NRXN3: variants seen among roughly 807,000 people sequenced by gnomAD.
NRXN3 encodes the protein neurexin 3.
Under a neutral mutation model 137.6 loss-of-function variants are expected in NRXN3, and 32 were observed. The observed-to-expected ratio is 0.23, with a 90% confidence interval of 0.18 to 0.31. NRXN3 has a LOEUF of 0.31. Among genes scored for constraint, NRXN3 ranks in the 10% least tolerant of loss-of-function variants. The pLI is 1.00. For synonymous variants in NRXN3, 798 were observed against 784.5 expected, an observed-to-expected ratio of 1.02 and a Z score of -0.29; for missense variants, 1,574 against 2,062.5, an observed-to-expected ratio of 0.76 and a Z score of 4.59.
At chr14:78,441,413 A>C (rs553578984) in intron 4 of NRXN3, among the ~76,000 whole-genome samples, 21 of 152,034 alleles carry the variant, frequency 1.4e-4, no homozygotes, top group Admixed American at 1.2e-3. Context: ...TCACAGCTCA[A>C]TTCAAGCGTC....
rs1567188272 is a variant in NRXN3 at position 78,294,576 on chromosome 14, A to AAAAG, written c.728-3251_728-3248dup. Among the ~76,000 whole-genome samples the AAAAG allele has an allele frequency of 3.3e-4, 49 of 146,324 alleles. 5 individuals are homozygous for AAAAG. The highest frequency in any genetic ancestry group is 3.6e-4 in the Non-Finnish European group (24 of 66,634). ...GTCTCAAAAAAAAAAAAAAAAAAAA[A>AAAAG]AAAGAAAAAGCTCCTATGTGTAGGC... On this transcript the variant is annotated intron_variant, in intron 3 of 20. Transcript: ENST00000335750.
At chr14:79,833,566 A>G (rs4903883) in intron 20 of NRXN3, among the ~76,000 whole-genome samples, 138,106 of 152,074 alleles carry the variant, frequency 0.91, 62,735 homozygotes, top group East Asian at 0.96. Context: ...CATTTTTACT[A>G]GGAAAGAGCA....
intron 8 of NRXN3, among the ~76,000 whole-genome samples, chr14:78,794,292 G>T (rs1382143266): frequency 1.3e-5 from 2 of 152,222 alleles, no homozygotes; most frequent in East Asian, 3.9e-4. Context: ...TGAGGCTCAA[G>T]AATTGCTTGA....
chr14:79,400,277 A>G (rs941456562), intron 15 of NRXN3, among the ~76,000 whole-genome samples: 2 of 152,188 alleles, frequency 1.3e-5, no homozygotes, highest in Non-Finnish European at 1.5e-5. Flanking sequence ...CTCAGTGTCC[A>G]CTGATAGTCT....
At chr14:79,501,942 C>G (rs1019081317) in intron 16 of NRXN3, among the ~76,000 whole-genome samples, 1 of 152,086 alleles carries the variant, frequency 6.6e-6, no homozygotes, top group Middle Eastern at 3.2e-3. Context: ...AAAGCCACTT[C>G]TGTTACTTTT....
chr14:78,617,178 A>C (rs1390964942), intron 4 of NRXN3, among the ~76,000 whole-genome samples: 6 of 152,194 alleles, frequency 3.9e-5, no homozygotes, highest in Non-Finnish European at 8.8e-5. Flanking sequence ...TGATTAATAC[A>C]CATAATTGCT....
At chr14:79,279,471 T>G (rs1471450865) in intron 15 of NRXN3, 1 of 986,094 alleles carries the variant, frequency 1.0e-6, no homozygotes, top group African/African-American at 1.7e-5. Context: ...GCACCTCCTC[T>G]TGCGCTCTCG....
At chr14:79,566,765 C>T (rs1470418995) in intron 16 of NRXN3, among the ~76,000 whole-genome samples, 1 of 151,992 alleles carries the variant, frequency 6.6e-6, no homozygotes, top group South Asian at 2.1e-4. Flanking sequence ...ATGTAAATAA[C>T]CCTCAATGAT....
chr14:79,122,050 TG>T (rs997254767), intron 15 of NRXN3, among the ~76,000 whole-genome samples: 3 of 152,252 alleles, frequency 2.0e-5, no homozygotes, highest in African/African-American at 7.2e-5. Flanking sequence ...CTTTTACCTT[TG>T]TTTGCCAACT....
rs5809932 is a variant in NRXN3, at chr14:79,261,601, C to CTGTGTGTGTG, written c.3263-205587_3263-205578dup. ...TGAAATCCCACAGATAAGAAAGGTG[C>CTGTGTGTGTG]TGTGTGTGTGTGTGTGTGTGTGTGT... is the stretch of plus-strand genomic sequence containing the variant. On this transcript the variant is annotated intron_variant, in intron 15 of 20. Transcript: ENST00000335750. Among the ~76,000 whole-genome samples, 61 of 59,214 alleles carry CTGTGTGTGTG rather than the reference C, an allele frequency of 1.0e-3. 2 individuals carry two copies. The highest frequency in any genetic ancestry group is 8.3e-3 in the East Asian group (14 of 1,696). 38.8% of individuals were successfully genotyped at this position (59,214 alleles called of 152,430 possible).
At chr14:79,130,127 T>C (rs1358152121) in intron 15 of NRXN3, among the ~76,000 whole-genome samples, 1 of 150,772 alleles carries the variant, frequency 6.6e-6, no homozygotes, top group African/African-American at 2.4e-5. Flanking sequence ...CTTGACTCTT[T>C]ATCCAATTTG....
At chr14:78,927,596 G>A (rs1445907125) in intron 10 of NRXN3, among the ~76,000 whole-genome samples, 1 of 152,048 alleles carries the variant, frequency 6.6e-6, no homozygotes, top group African/African-American at 2.4e-5. Context: ...CAGAATTTCT[G>A]GGTCTGTATT....
At chr14:79,052,446 C>T (rs2099643309) in intron 15 of NRXN3, among the ~76,000 whole-genome samples, 1 of 152,162 alleles carries the variant, frequency 6.6e-6, no homozygotes, top group African/African-American at 2.4e-5. Flanking sequence ...ATTCCAAAAC[C>T]CCTCGCAGTT....
chr14:79,816,407 G>A (rs939825143), intron 20 of NRXN3, among the ~76,000 whole-genome samples: 3 of 152,140 alleles, frequency 2.0e-5, no homozygotes, highest in Admixed American at 2.0e-4. Context: ...GAGTTTAAAT[G>A]TATTATGGTT....
chr14:78,348,560 C>T (rs2083061941), intron 4 of NRXN3, among the ~76,000 whole-genome samples: 1 of 152,192 alleles, frequency 6.6e-6, no homozygotes, highest in Admixed American at 6.5e-5. Context: ...ACTCTTCCCC[C>T]ATATGGTTCT....
chr14:78,379,306 G>A (rs1490510258), intron 4 of NRXN3, among the ~76,000 whole-genome samples: 1 of 152,044 alleles, frequency 6.6e-6, no homozygotes, highest in Admixed American at 6.5e-5. Flanking sequence ...GACAAAGATA[G>A]TACAAAAACC....
intron 15 of NRXN3, among the ~76,000 whole-genome samples, chr14:79,063,879 A>C (rs111665517): frequency 0.029 from 4,409 of 152,264 alleles, 214 homozygotes; most frequent in African/African-American, 0.1. Flanking sequence ...TTGAGAAAAA[A>C]TAAAAATATT....
At chr14:78,460,604 A>C (rs1204966099) in intron 4 of NRXN3, among the ~76,000 whole-genome samples, 1 of 152,190 alleles carries the variant, frequency 6.6e-6, no homozygotes, top group Non-Finnish European at 1.5e-5. Flanking sequence ...TGTTTTTCAC[A>C]CTGTCACAGG....
At chr14:78,937,202 AGAAAC>A (rs1349735334) in intron 10 of NRXN3, among the ~76,000 whole-genome samples, 2 of 149,376 alleles carry the variant, frequency 1.3e-5, no homozygotes, top group Non-Finnish European at 3.0e-5. Flanking sequence ...AAAAAAAAAA[AGAAAC>A]AAAGAAAAGA....
Sources: allele counts gnomAD v4.1 joint callset (sites outside exome capture counted in the v4.1 genomes callset), GRCh38; gene constraint gnomAD v4.1.1; transcripts MANE v1.5; gene names NCBI Gene and HGNC (gene_info 2026-07-23, HGNC 2026-07-21).